TPRG1: variants seen among roughly 807,000 people sequenced by gnomAD.
The protein encoded by TPRG1 is tumor protein p63-regulated gene 1 protein.
Under a neutral mutation model 29.3 loss-of-function variants are expected in TPRG1, and 29 were observed. That is an observed-to-expected ratio of 0.99 (90% CI 0.74 to 1.35). The LOEUF is 1.35. Among genes scored for constraint, TPRG1 ranks in the 40% most tolerant of loss-of-function variants. The pLI is 0.00. For missense variants in TPRG1, 327 were observed against 335.0 expected (o/e 0.98, Z 0.19); for synonymous variants, 130 against 116.8 (o/e 1.11, Z -0.73).
intron 3 of TPRG1, among the ~76,000 whole-genome samples, chr3:189,007,115 C>A (rs1313277604): frequency 6.6e-6 from 1 of 151,856 alleles, no homozygotes; most frequent in Non-Finnish European, 1.5e-5. Flanking sequence ...AGGCAACCTA[C>A]AAAATGGGAG....
chr3:189,166,263 C>T (rs995648035), intron 5 of TPRG1, among the ~76,000 whole-genome samples: 1 of 152,196 alleles, frequency 6.6e-6, no homozygotes, highest in Admixed American at 6.5e-5. Flanking sequence ...TCCTATGGTC[C>T]AAACTCAAGT....
chr3:189,186,718 G>A (rs1479804269), intron 1 of TPRG1, among the ~76,000 whole-genome samples: 1 of 151,176 alleles, frequency 6.6e-6, no homozygotes, highest in Non-Finnish European at 1.5e-5. Flanking sequence ...AGAAAATTGA[G>A]ATGGGGGCAA....
chr3:189,032,315 A>C (rs1383586678), intron 4 of TPRG1, among the ~76,000 whole-genome samples: 2 of 152,212 alleles, frequency 1.3e-5, no homozygotes, highest in Non-Finnish European at 2.9e-5. Context: ...GCAGGGAAAC[A>C]GATTCTTCCC....
chr3:189,310,963 A>G lies in TPRG1; in HGVS notation c.633+424A>G, dbSNP rs113634828. Among the ~76,000 whole-genome samples the G allele has an allele frequency of 1.2e-3, 186 of 152,298 alleles. 1 individual carries two copies. Among genetic ancestry groups the G allele is most frequent in the Middle Eastern group, 6.8e-3 (2 of 294 alleles). ...CTTGGTAGTCTCACGTCTAAAATGA[A>G]GATAATGAGCACTGCCTTTCCTCCC... On this transcript the variant is annotated intron_variant, in intron 5 of 5. Transcript: ENST00000345063.
At chr3:189,189,521 TA>T (rs1227322154) in intron 1 of TPRG1, among the ~76,000 whole-genome samples, 7 of 149,402 alleles carry the variant, frequency 4.7e-5, no homozygotes, top group Admixed American at 6.7e-5. Flanking sequence ...AGATGATGAG[TA>T]AAAAAAAAAT....
chr3:189,164,765 G>C (rs1727940468), intron 5 of TPRG1, among the ~76,000 whole-genome samples: 1 of 152,146 alleles, frequency 6.6e-6, no homozygotes, highest in African/African-American at 2.4e-5. Flanking sequence ...GGAACAGCAG[G>C]TGTGGGAAGG....
intron 3 of TPRG1, among the ~76,000 whole-genome samples, chr3:189,019,257 T>C (rs1713145203): frequency 6.6e-6 from 1 of 152,000 alleles, no homozygotes; most frequent in African/African-American, 2.4e-5. Flanking sequence ...GGCCAGAACT[T>C]CCAACACTAT....
chr3:189,171,305 A>G (rs550794562), upstream of TPRG1, among the ~76,000 whole-genome samples: 1 of 152,274 alleles, frequency 6.6e-6, no homozygotes, highest in Non-Finnish European at 1.5e-5. Flanking sequence ...ATGACTTGCT[A>G]TAGGCTGCAA....
At chr3:189,238,685 A>C in intron 3 of TPRG1, 48 bp from the exon 4 acceptor site, 2 of 1,504,374 alleles carry the variant, frequency 1.3e-6, no homozygotes, top group South Asian at 1.3e-5. Flanking sequence ...CATTGCTTTT[A>C]ACTTAGGCTG....
chr3:189,229,055 T>C (rs1738232149), intron 3 of TPRG1, among the ~76,000 whole-genome samples: 1 of 152,130 alleles, frequency 6.6e-6, no homozygotes, highest in African/African-American at 2.4e-5. Context: ...TAGGTACAAA[T>C]CGCACAAACA....
intron 4 of TPRG1, among the ~76,000 whole-genome samples, chr3:189,254,431 G>A (rs1742745945): frequency 6.6e-6 from 1 of 152,150 alleles, no homozygotes; most frequent in South Asian, 2.1e-4. Context: ...TAGCCTTGTA[G>A]TATAGTTTGA....
chr3:189,318,691 G>A (rs528070073), intron 5 of TPRG1, among the ~76,000 whole-genome samples: 2 of 152,222 alleles, frequency 1.3e-5, no homozygotes, highest in Admixed American at 6.5e-5. Flanking sequence ...GGTACCTGCT[G>A]TCCCAACATT....
At chr3:189,025,034 C>T (rs893288819) in intron 4 of TPRG1, among the ~76,000 whole-genome samples, 2 of 152,144 alleles carry the variant, frequency 1.3e-5, no homozygotes, top group African/African-American at 2.4e-5. Flanking sequence ...GCTGCCTGGT[C>T]CCCTGGATTC....
At chr3:189,315,247 A>G (rs1723300122) in intron 5 of TPRG1, among the ~76,000 whole-genome samples, 1 of 151,542 alleles carries the variant, frequency 6.6e-6, no homozygotes, top group South Asian at 2.1e-4. Context: ...GTTTCCTAAT[A>G]TTCAAGGAAA....
At chr3:189,300,985 CAAT>C (rs1054113204) in intron 4 of TPRG1, among the ~76,000 whole-genome samples, 1 of 152,006 alleles carries the variant, frequency 6.6e-6, no homozygotes, top group African/African-American at 2.4e-5. Flanking sequence ...TTATGAAGAA[CAAT>C]GAGATAATGG....
chr3:189,143,254 A>T (rs1221296631), intron 3 of TPRG1, among the ~76,000 whole-genome samples: 3 of 152,218 alleles, frequency 2.0e-5, no homozygotes, highest in Non-Finnish European at 2.9e-5. Flanking sequence ...GCCGCTGGTA[A>T]TATCTCCATT....
chr3:189,171,382 AT>A (rs1728792871), upstream of TPRG1, among the ~76,000 whole-genome samples: 3 of 152,266 alleles, frequency 2.0e-5, no homozygotes, highest in South Asian at 6.2e-4. Context: ...TTCAATGTGT[AT>A]TTATTTATTA....
chr3:189,299,331 A>G (rs1720464067), intron 4 of TPRG1, among the ~76,000 whole-genome samples: 1 of 152,162 alleles, frequency 6.6e-6, no homozygotes, highest in Non-Finnish European at 1.5e-5. Flanking sequence ...AAAGCCTTCA[A>G]TATAGATGTG....
At chr3:189,118,567 TG>T (rs1721448953) in intron 1 of TPRG1, among the ~76,000 whole-genome samples, 1 of 151,736 alleles carries the variant, frequency 6.6e-6, no homozygotes, top group Non-Finnish European at 1.5e-5. Context: ...GAAGGAAAAA[TG>T]GTTGTGTAGC....
Sources: gnomAD v4.1 joint callset for allele counts (sites outside exome capture counted in the v4.1 genomes callset) on GRCh38, gnomAD v4.1.1 for gene constraint, MANE v1.5 for transcripts, NCBI Gene and HGNC (gene_info 2026-07-23, HGNC 2026-07-21) for gene names.